Variants in ADAMTSL1 observed in about 807,000 individuals in gnomAD.
The protein encoded by ADAMTSL1 is ADAMTS like 1.
A neutral mutation model predicts 201.8 loss-of-function variants in ADAMTSL1; 126 were observed. The observed-to-expected ratio is 0.62, with a 90% CI of 0.54 to 0.72. The LOEUF is 0.72. ADAMTSL1 is among the 30% of genes least tolerant of loss of function. ADAMTSL1 has a pLI of 0.00. For synonymous variants in ADAMTSL1, 1,121 were observed against 903.4 expected, an observed-to-expected ratio of 1.24 and a Z score of -4.32; for missense variants, 2,679 against 2,277.8, an observed-to-expected ratio of 1.18 and a Z score of -3.59.
chr9:18,498,079 T>C (rs1438100356), intron 1 of ADAMTSL1, among the ~76,000 whole-genome samples: 3 of 152,050 alleles, frequency 2.0e-5, no homozygotes, highest in African/African-American at 7.3e-5. Flanking sequence ...AAAATTCACA[T>C]ACTGATAAAT....
At chr9:18,634,608 G>C in intron 5 of ADAMTSL1, among the ~76,000 whole-genome samples, 1 of 151,924 alleles carries the variant, frequency 6.6e-6, no homozygotes, top group South Asian at 2.1e-4. Context: ...GGGAGGCTGA[G>C]GTGAGCGGAT....
At chr9:18,121,250 G>A (rs945923378) in intron 1 of ADAMTSL1, among the ~76,000 whole-genome samples, 12 of 152,158 alleles carry the variant, frequency 7.9e-5, no homozygotes, top group African/African-American at 2.9e-4. Flanking sequence ...AGAGAAAGCT[G>A]TGTGTAAAAG....
chr9:18,277,118 G>T (rs1426607392), intron 2 of ADAMTSL1, among the ~76,000 whole-genome samples: 2 of 152,164 alleles, frequency 1.3e-5, no homozygotes, highest in Non-Finnish European at 2.9e-5. Flanking sequence ...TACTTGATAT[G>T]ATTTTCATCT....
intron 2 of ADAMTSL1, among the ~76,000 whole-genome samples, chr9:18,294,061 G>A (rs1009464813): frequency 3.9e-5 from 6 of 152,316 alleles, no homozygotes; most frequent in African/African-American, 9.6e-5. Context: ...TACGAGGAGA[G>A]TTCCTGTGCT....
intron 1 of ADAMTSL1, among the ~76,000 whole-genome samples, chr9:17,964,645 AATGTTAAT>A (rs1034990893): frequency 3.3e-5 from 5 of 152,156 alleles, no homozygotes; most frequent in African/African-American, 1.2e-4. Flanking sequence ...GGATGATATC[AATGTTAAT>A]ATCTTTGTTA....
intron 16 of ADAMTSL1, among the ~76,000 whole-genome samples, chr9:18,767,744 C>T (rs753933226): frequency 1.4e-4 from 22 of 152,172 alleles, no homozygotes; most frequent in Non-Finnish European, 2.1e-4. Flanking sequence ...CCTTTAATGT[C>T]TTATTGAATT....
chr9:18,402,226 C>T (rs1049435988), intron 2 of ADAMTSL1, among the ~76,000 whole-genome samples: 10 of 152,212 alleles, frequency 6.6e-5, no homozygotes, highest in African/African-American at 2.4e-4. Context: ...TCCTCTTCTA[C>T]ACCAGCTGCC....
intron 20 of ADAMTSL1, among the ~76,000 whole-genome samples, chr9:18,813,070 T>G (rs537949291): frequency 2.6e-4 from 39 of 151,202 alleles, no homozygotes; most frequent in African/African-American, 8.5e-4. Flanking sequence ...TTGGTTCAAG[T>G]GATTCTCCTG....
intron 13 of ADAMTSL1, among the ~76,000 whole-genome samples, chr9:18,688,785 T>G (rs895732147): frequency 7.0e-6 from 1 of 142,452 alleles, no homozygotes; most frequent in Non-Finnish European, 1.5e-5. Flanking sequence ...CAGTGCCTAT[T>G]TGAGATGGAG....
intron 4 of ADAMTSL1, among the ~76,000 whole-genome samples, chr9:18,590,561 G>T (rs1306059539): frequency 6.6e-6 from 1 of 151,442 alleles, no homozygotes; most frequent in Non-Finnish European, 1.5e-5. Flanking sequence ...ACTAATTTAG[G>T]GTTTAGTTTG....
At chr9:18,159,887 G>C (rs1359564322) in intron 1 of ADAMTSL1, among the ~76,000 whole-genome samples, 1 of 151,962 alleles carries the variant, frequency 6.6e-6, no homozygotes, top group African/African-American at 2.4e-5. Flanking sequence ...AAATGCAAAA[G>C]ATTCTTGTTA....
intron 22 of ADAMTSL1, among the ~76,000 whole-genome samples, chr9:18,829,425 C>G (rs1588182191): frequency 1.3e-5 from 2 of 152,268 alleles, no homozygotes; most frequent in East Asian, 3.9e-4. Context: ...GTGCCTCATT[C>G]TGAAGACTGT....
chr9:18,706,208 C>T (rs1466972315), intron 13 of ADAMTSL1, among the ~76,000 whole-genome samples: 1 of 152,182 alleles, frequency 6.6e-6, no homozygotes, highest in African/African-American at 2.4e-5. Flanking sequence ...TATAGGGTAA[C>T]TTCCAGACAT....
At chr9:18,857,250 C>T (rs993075486) in intron 23 of ADAMTSL1, among the ~76,000 whole-genome samples, 3 of 152,196 alleles carry the variant, frequency 2.0e-5, no homozygotes, top group Admixed American at 2.0e-4. Flanking sequence ...TACCTCATTG[C>T]CCAGTGCATA....
intron 1 of ADAMTSL1, among the ~76,000 whole-genome samples, chr9:18,039,282 G>C (rs1671266241): frequency 6.6e-6 from 1 of 152,032 alleles, no homozygotes. Flanking sequence ...CAAATAAATA[G>C]TTTTATCTGG....
intron 2 of ADAMTSL1, among the ~76,000 whole-genome samples, chr9:18,234,738 G>C (rs1393067444): frequency 6.6e-6 from 1 of 152,042 alleles, no homozygotes; most frequent in Admixed American, 6.5e-5. Context: ...ATATTCATTT[G>C]GTACAGTAAA....
At chr9:18,426,003 T>G (rs1319310579) in intron 2 of ADAMTSL1, among the ~76,000 whole-genome samples, 1 of 152,192 alleles carries the variant, frequency 6.6e-6, no homozygotes, top group East Asian at 1.9e-4. Flanking sequence ...CCAACCCGTT[T>G]AGCATCAGAT....
In ADAMTSL1 at chr9:18,574,060, G is replaced by A; in HGVS notation, c.268G>A (p.Ala90Thr). 1 of 1,613,862 alleles carries A rather than the reference G, an allele frequency of 6.2e-7. No homozygotes were observed. The highest frequency in any genetic ancestry group is 8.5e-7 in the Non-Finnish European group (1 of 1,179,892). ...CCCACCAGAAGCAGGTGATTTCCGA[G>A]CTCAGCAATGCTCAGCTCATAATGA... ...DCPPEAGDFR[A>T]QQCSAHNDVK... Residue 90 changes from alanine (A) to threonine (T), a missense_variant, in exon 4 of 29, where the codon GCT becomes ACT. Ala to Thr is a moderately conservative substitution (Grantham distance 58, BLOSUM62 0). Coordinates refer to ENST00000380548, the MANE Select transcript of ADAMTSL1 (RefSeq NM_001040272.6).
Position 18,909,288 on chromosome 9 carries a change from G to A in ADAMTSL1, c.*740G>A, listed in dbSNP as rs1830481840. On this transcript the variant is annotated 3_prime_UTR_variant, in exon 29 of 29. Transcript: ENST00000380548. ...GTGAGCAGGGGCTTCCAGGCTGCAT[G>A]AGGCTCATGGACCAGCTCTGATCCC... The A allele has an allele frequency of 1.3e-5, 2 of 152,790 alleles. No individual in the cohort carries two copies. The highest frequency in any genetic ancestry group is 1.3e-4 in the Admixed American group (2 of 15,324). 9.5% of individuals were successfully genotyped at this position (152,790 alleles called of 1,614,324 possible). A position where few individuals can be genotyped will look rare whatever the true frequency, so the allele number is the denominator to read the frequency against.
Sources: allele counts gnomAD v4.1 joint callset (sites outside exome capture counted in the v4.1 genomes callset), GRCh38; gene constraint gnomAD v4.1.1; transcripts MANE v1.5; gene names NCBI Gene and HGNC (gene_info 2026-07-23, HGNC 2026-07-21).